Variants in ZDHHC23 observed in about 807,000 individuals in gnomAD.
The protein encoded by ZDHHC23 is zDHHC palmitoyltransferase 23, also known as palmitoyltransferase ZDHHC23.
Under a neutral mutation model 40.2 loss-of-function variants are expected in ZDHHC23, and 41 were observed. That is an observed-to-expected ratio of 1.02 (90% confidence interval 0.79 to 1.32). The LOEUF (loss-of-function observed/expected upper bound fraction) is 1.32, where lower values mean the gene tolerates loss of function less well. Among genes scored for constraint, ZDHHC23 ranks in the 40% most tolerant of loss-of-function variants. ZDHHC23 has a pLI of 0.00. For missense variants in ZDHHC23, 471 were observed against 541.5 expected (o/e 0.87, Z 1.29); for synonymous variants, 204 against 210.2 (o/e 0.97, Z 0.26).
At chr3:113,952,518 A>G (rs1031749388) in intron 2 of ZDHHC23, among the ~76,000 whole-genome samples, 1 of 152,010 alleles carries the variant, frequency 6.6e-6, no homozygotes, top group African/African-American at 2.4e-5. Context: ...ATAGTCTAGG[A>G]TTTTTCCCAG....
At chr3:113,978,563 A>G in the ZDHHC23 span, 1 of 596,166 alleles carries the variant, frequency 1.7e-6, no homozygotes, top group Admixed American at 3.1e-5. Context: ...GTAAGTTTCT[A>G]AATCACTTGA....
At position 113,960,574 on chromosome 3, in the gene ZDHHC23, T is replaced by G; in HGVS notation, c.*1944T>G. ...TGATCATACAAATTGATAGAAACAT[T>G]AGTCAGTAATTTTAGCTTCTTGCCA... On this transcript the variant is annotated 3_prime_UTR_variant, in exon 5 of 5. Transcript: ENST00000638807. 1.6e-5 allele frequency: 24 copies of G among 1,506,036 alleles called. No homozygotes were observed. In the South Asian group the frequency reaches 3.1e-4, roughly 19 times the overall value. The allele number at this position is 1,506,036 out of a possible 1,614,324, so 93.3% of individuals were successfully genotyped here.
At position 113,959,389 on chromosome 3, in the gene ZDHHC23, T is replaced by A. The variant is rs1243118055; in HGVS notation, c.*759T>A. The A allele has an allele frequency of 8.7e-7, 1 of 1,148,908 alleles. No homozygotes were observed. The highest frequency in any genetic ancestry group is 1.6e-5 in the African/African-American group (1 of 62,976). 71.2% of individuals were successfully genotyped at this position (1,148,908 alleles called of 1,614,324 possible). On this transcript the variant is annotated 3_prime_UTR_variant, in exon 5 of 5. Coordinates refer to ENST00000638807, the MANE Select transcript of ZDHHC23 (RefSeq NM_001320466.2). ...CAACAGTTATAAAGATAATTATTGCTAGTGTAATGTAGTGTGGCCATGAGT... is the reference window on the plus strand; with the variant it reads ...CAACAGTTATAAAGATAATTATTGCAAGTGTAATGTAGTGTGGCCATGAGT...
intron 2 of ZDHHC23, 40 bp from the exon 3 acceptor site, chr3:113,953,660 C>T: frequency 6.5e-7 from 1 of 1,542,464 alleles, no homozygotes. Context: ...ATTCAACAAA[C>T]CCACATGAAG....
intron 2 of ZDHHC23, among the ~76,000 whole-genome samples, chr3:113,952,431 C>T (rs1260113528): frequency 6.6e-6 from 1 of 152,196 alleles, no homozygotes; most frequent in Non-Finnish European, 1.5e-5. Flanking sequence ...TTCATTACCT[C>T]TTAGGGATTC....
chr3:113,958,465 T>C lies in ZDHHC23; in HGVS notation c.1143T>C (p.Thr381=). The stretch of plus-strand genomic sequence containing the variant: ...TGATCAACATCAGCTACAATGTGAC[T>C]GAGCGGGAAGTCCAGCAGGCCCTCC... ...IQLINISYNV[T]EREVQQALRQ... The change falls in exon 5 of 5, where the codon ACT becomes ACC. Residue 381 remains threonine (T), a synonymous_variant. Transcript: ENST00000638807. 6.2e-6 allele frequency: 10 copies of C among 1,614,170 alleles called. No individual in the cohort carries two copies. The highest frequency in any genetic ancestry group is 7.6e-6 in the Non-Finnish European group (9 of 1,180,034).
At chr3:113,965,132 C>T (rs1939980673), downstream of ZDHHC23, 1 of 1,521,754 alleles carries the variant, frequency 6.6e-7, no homozygotes. Flanking sequence ...AGCTTCCTGT[C>T]CTAAATATTA....
chr3:113,975,586 T>G, the ZDHHC23 span, among the ~76,000 whole-genome samples: 1 of 152,190 alleles, frequency 6.6e-6, no homozygotes, highest in Non-Finnish European at 1.5e-5. Flanking sequence ...CCACTCTGTT[T>G]AACATGTAAA....
rs1488030164 is a variant in ZDHHC23, at chr3:113,954,317, G to A, written c.779G>A (p.Trp260Ter). 3.1e-6 allele frequency: 5 copies of A among 1,614,044 alleles called. No homozygotes were observed. Among genetic ancestry groups the A allele is most frequent in the Non-Finnish European group, 4.2e-6 (5 of 1,180,008 alleles). ...AGSPTKAKEDWCAKCQLVRPA... is the reference protein window; with the variant it reads ...AGSPTKAKED ...AGCCCCACCAAAGCGAAGGAGGACTGGTGTGCCAAGTGCCAGCTGGTGCGA... is the reference window on the plus strand; with the variant it reads ...AGCCCCACCAAAGCGAAGGAGGACTAGTGTGCCAAGTGCCAGCTGGTGCGA... The change falls in exon 3 of 5, where the codon TGG becomes TAG. Residue 260 changes from tryptophan to a stop codon, truncating the protein, a stop_gained. Transcript: ENST00000638807. LOFTEE classifies it high-confidence loss of function.
At chr3:113,975,478 T>TTCA in the ZDHHC23 span, among the ~76,000 whole-genome samples, 1 of 152,234 alleles carries the variant, frequency 6.6e-6, no homozygotes, top group Non-Finnish European at 1.5e-5. Flanking sequence ...TGCAATAAAG[T>TTCA]TCATCTATTC....
upstream of ZDHHC23, chr3:113,947,997 G>A (rs1163548779): frequency 6.7e-6 from 1 of 149,366 alleles, no homozygotes; most frequent in Non-Finnish European, 1.5e-5. Context: ...CGCCCGGGCC[G>A]CGGCGGGCTG....
the ZDHHC23 span, among the ~76,000 whole-genome samples, chr3:113,976,877 C>T: frequency 6.6e-6 from 1 of 152,082 alleles, no homozygotes; most frequent in Admixed American, 6.6e-5. Flanking sequence ...AAAGGGAGGT[C>T]CTCTGAATGC....
At chr3:113,952,605 G>T (rs1323595010) in intron 2 of ZDHHC23, among the ~76,000 whole-genome samples, 1 of 152,188 alleles carries the variant, frequency 6.6e-6, no homozygotes, top group Admixed American at 6.5e-5. Context: ...GATATCTGTT[G>T]TAGCAACATC....
chr3:113,978,742 T>C, the ZDHHC23 span: 1 of 1,068,210 alleles, frequency 9.4e-7, no homozygotes, highest in Non-Finnish European at 1.4e-6. Flanking sequence ...TGGGATTGAC[T>C]ACTCTTTTGT....
At chr3:113,973,802 T>C in the ZDHHC23 span, among the ~76,000 whole-genome samples, 1 of 152,100 alleles carries the variant, frequency 6.6e-6, no homozygotes. Flanking sequence ...TTCTCTGACT[T>C]TCCTATACGT....
rs1018051549 is a variant in ZDHHC23, at chr3:113,959,644, T to G, written c.*1014T>G. 6.8e-6 allele frequency: 8 copies of G among 1,172,304 alleles called. No homozygotes were observed. In the African/African-American group the frequency reaches 1.2e-4, roughly 18 times the overall value. 72.6% of individuals were successfully genotyped at this position (1,172,304 alleles called of 1,614,324 possible). A position where few individuals can be genotyped will look rare whatever the true frequency, so the allele number is the denominator to read the frequency against. ...ATCACGGGCTCGATTATTTTCTTCATGTATTTCAAATGCTGTCAGTTATAG... is the reference window on the plus strand; with the variant it reads ...ATCACGGGCTCGATTATTTTCTTCAGGTATTTCAAATGCTGTCAGTTATAG... On this transcript the variant is annotated 3_prime_UTR_variant, in exon 5 of 5. Coordinates refer to ENST00000638807, the MANE Select transcript of ZDHHC23 (RefSeq NM_001320466.2).
chr3:113,967,525 TATAC>T (rs548737860), downstream of ZDHHC23, among the ~76,000 whole-genome samples: 11 of 152,340 alleles, frequency 7.2e-5, no homozygotes, highest in Admixed American at 7.2e-4. Context: ...TGATACATAA[TATAC>T]ATATTTTGGG....
intron 2 of ZDHHC23, among the ~76,000 whole-genome samples, chr3:113,951,907 G>A (rs1938703905): frequency 6.6e-6 from 1 of 152,190 alleles, no homozygotes; most frequent in Non-Finnish European, 1.5e-5. Flanking sequence ...GGAAGCCCAG[G>A]TGGGCAGATC....
chr3:113,959,948 T>C lies in ZDHHC23; in HGVS notation c.*1318T>C, dbSNP rs1939572612. 1 of 994,798 alleles carries C rather than the reference T, an allele frequency of 1.0e-6. No homozygotes were observed. The highest frequency in any genetic ancestry group is 4.4e-5 in the South Asian group (1 of 22,556). 61.6% of individuals were successfully genotyped at this position (994,798 alleles called of 1,614,324 possible). On this transcript the variant is annotated 3_prime_UTR_variant, in exon 5 of 5. Coordinates refer to ENST00000638807, the MANE Select transcript of ZDHHC23 (RefSeq NM_001320466.2). ...AGATTAAATATTTATGTACAATGGG[T>C]TGTTCTACTATAGAATTAAGATGAG...
Sources: allele counts gnomAD v4.1 joint callset (sites outside exome capture counted in the v4.1 genomes callset), GRCh38; gene constraint gnomAD v4.1.1; transcripts MANE v1.5; gene names NCBI Gene and HGNC (gene_info 2026-07-23, HGNC 2026-07-21).